The following SMG1 variants were observed in gnomAD, a reference collection of about 807,000 sequenced individuals.
SMG1 encodes the protein serine/threonine-protein kinase SMG1.
SMG1 carries 22 observed loss-of-function variants against 419.9 expected under a neutral mutation model. That is an observed-to-expected ratio of 0.05 (90% CI 0.04 to 0.07). The LOEUF (loss-of-function observed/expected upper bound fraction) is 0.07. SMG1 is among the 10% of genes least tolerant of loss of function. The probability of loss-of-function intolerance (pLI) is 1.00; values close to 1 mark genes in which losing one functional copy is unlikely to be tolerated. For synonymous variants in SMG1, 1,538 were observed against 1,553.5 expected, an observed-to-expected ratio of 0.99 and a Z score of 0.23; for missense variants, 3,185 against 4,342.0, an observed-to-expected ratio of 0.73 and a Z score of 7.49.
intron 9 of SMG1, among the ~76,000 whole-genome samples, chr16:18,882,572 TA>T (rs1421939710): frequency 6.6e-6 from 1 of 152,174 alleles, no homozygotes; most frequent in East Asian, 1.9e-4. Flanking sequence ...AATAATCTCT[TA>T]AATCAACTCA....
At chr16:18,908,810 G>A (rs1268887818) in intron 1 of SMG1, among the ~76,000 whole-genome samples, 4 of 151,380 alleles carry the variant, frequency 2.6e-5, no homozygotes, top group Non-Finnish European at 5.9e-5. Context: ...AGCGCGGGAG[G>A]TGGAGCATGC....
chr16:18,876,342 T>C lies in SMG1; in HGVS notation c.1672A>G (p.Ile558Val), dbSNP rs1385992147. ...TTATAGGCAGTCTCCAAAACAGGAA[T>C]ATTCTTCAAGCTGAGCACTGCTTGA... ...VYQAVLSLKN[I>V]PVLETAYKLI... The change falls in exon 13 of 63, where the codon ATT becomes GTT. Residue 558 changes from isoleucine to valine, a missense_variant. This residue lies in a region of SMG1 where 297 missense variants were observed against 491.0 expected (regional missense o/e 0.60). Transcript: ENST00000446231. The C allele has an allele frequency of 6.2e-7, 1 of 1,611,378 alleles. No homozygotes were observed. The highest frequency in any genetic ancestry group is 8.5e-7 in the Non-Finnish European group (1 of 1,179,528).
chr16:18,910,389 C>T (rs1596649043), intron 1 of SMG1, among the ~76,000 whole-genome samples: 1 of 152,050 alleles, frequency 6.6e-6, no homozygotes, highest in East Asian at 1.9e-4. Context: ...CACCACCATG[C>T]CCAGCTAATT....
At chr16:18,863,625 T>C (rs2035327684) in intron 25 of SMG1, 25 bp downstream of exon 25, 2 of 1,584,996 alleles carry the variant, frequency 1.3e-6, no homozygotes, top group Non-Finnish European at 1.7e-6. Context: ...AAATTTGTTT[T>C]ATAACTGGAA....
chr16:18,811,511 G>A (rs1232999186), intron 62 of SMG1, among the ~76,000 whole-genome samples: 1 of 152,178 alleles, frequency 6.6e-6, no homozygotes, highest in Non-Finnish European at 1.5e-5. Context: ...GTAGTCTGGT[G>A]GAGGAGGATC....
At position 18,806,793 on chromosome 16, in the gene SMG1, C is replaced by T. The variant is rs1457857792; in HGVS notation, c.*2776G>A. ...CAAGAGAGAGAAACAGGAGAGGATC[C>T]CTGGTTTTCCACAGGTATTTTATCA... is the stretch of plus-strand genomic sequence containing the variant. On this transcript the variant is annotated 3_prime_UTR_variant, in exon 63 of 63. Coordinates refer to ENST00000446231, the MANE Select transcript of SMG1 (RefSeq NM_015092.5). The T allele has an allele frequency of 6.6e-6, 1 of 152,050 alleles. No individual in the cohort carries two copies. Among genetic ancestry groups the T allele is most frequent in the Non-Finnish European group, 1.5e-5 (1 of 67,988 alleles). 9.4% of individuals were successfully genotyped at this position (152,050 alleles called of 1,614,324 possible). A position where few individuals can be genotyped will look rare whatever the true frequency, so the allele number is the denominator to read the frequency against.
intron 13 of SMG1, 143 bp from the exon 14 acceptor site, chr16:18,872,767 G>C: frequency 1.4e-6 from 1 of 718,126 alleles, no homozygotes; most frequent in Non-Finnish European, 2.2e-6. Context: ...CTAAACCTGG[G>C]ACAAACACTT....
At chr16:18,916,794 T>C (rs952709977) in intron 1 of SMG1, among the ~76,000 whole-genome samples, 22 of 151,928 alleles carry the variant, frequency 1.4e-4, no homozygotes, top group African/African-American at 5.3e-4. Context: ...ACCAAAATAA[T>C]GACAACATGA....
chr16:18,862,358 C>G (rs2035260885), intron 25 of SMG1, among the ~76,000 whole-genome samples: 1 of 152,206 alleles, frequency 6.6e-6, no homozygotes, highest in Non-Finnish European at 1.5e-5. Flanking sequence ...CACTATTCTT[C>G]AGAGGCTTCT....
chr16:18,919,257 G>A (rs577421419), intron 1 of SMG1, among the ~76,000 whole-genome samples: 20 of 151,882 alleles, frequency 1.3e-4, no homozygotes, highest in African/African-American at 4.8e-4. Flanking sequence ...AACCCAGGAG[G>A]CCGAGGTTGC....
chr16:18,874,977 A>G (rs2036042091), intron 13 of SMG1: 1 of 148,334 alleles, frequency 6.7e-6, no homozygotes, highest in African/African-American at 2.5e-5. Context: ...TGGGACCAGA[A>G]GTGTTTCAGA....
At chr16:18,843,707 C>A (rs951658506) in intron 39 of SMG1, among the ~76,000 whole-genome samples, 1 of 152,108 alleles carries the variant, frequency 6.6e-6, no homozygotes, top group Non-Finnish European at 1.5e-5. Flanking sequence ...GACGTACACA[C>A]AATATGATCT....
rs562382077 is a variant in SMG1 at position 18,806,307 on chromosome 16, G to A, written c.*3262C>T. 2 of 152,712 alleles carry A rather than the reference G, an allele frequency of 1.3e-5. No individual in the cohort carries two copies. Among genetic ancestry groups the A allele is most frequent in the Admixed American group, 6.5e-5 (1 of 15,294 alleles). 9.5% of individuals were successfully genotyped at this position (152,712 alleles called of 1,614,324 possible). ...GGCAAGGGTTAAGGGCAGAAGTGAT[G>A]GAAGTGTTTCTTTGTATTACAAACC... On this transcript the variant is annotated 3_prime_UTR_variant, in exon 63 of 63. Coordinates refer to ENST00000446231, the MANE Select transcript of SMG1 (RefSeq NM_015092.5).
intron 1 of SMG1, among the ~76,000 whole-genome samples, chr16:18,897,899 GAAAA>G (rs1268240019): frequency 4.4e-5 from 5 of 114,516 alleles, no homozygotes; most frequent in African/African-American, 1.6e-4. Context: ...ACAACTTTGA[GAAAA>G]AAAAAAAAAA....
chr16:18,818,759 A>C (rs1022354210), intron 56 of SMG1, among the ~76,000 whole-genome samples: 1 of 131,920 alleles, frequency 7.6e-6, no homozygotes, highest in African/African-American at 2.6e-5. Flanking sequence ...TGTCCGTAAT[A>C]GTTTTTTTGG....
chr16:18,902,623 C>T (rs1425301343), intron 1 of SMG1, among the ~76,000 whole-genome samples: 1 of 151,784 alleles, frequency 6.6e-6, no homozygotes, highest in Non-Finnish European at 1.5e-5. Flanking sequence ...CTGCCTGAAC[C>T]TGGGAGGGAG....
In SMG1 at chr16:18,870,905, G is replaced by T. The variant is rs2035783204; in HGVS notation, c.2303-17C>A. On this transcript the variant is annotated splice_polypyrimidine_tract_variant and intron_variant, in intron 16 of 62. Transcript: ENST00000446231. Reference sequence around the variant, plus strand: ...CAACGAGAGCTATTAAACATTAAAAGACAGTTACTTTCAGCTGGCCAAAAG... The same window carrying T: ...CAACGAGAGCTATTAAACATTAAAATACAGTTACTTTCAGCTGGCCAAAAG... 6 of 1,264,666 alleles carry T rather than the reference G, an allele frequency of 4.7e-6. No individual in the cohort carries two copies. The highest frequency in any genetic ancestry group is 5.6e-6 in the Non-Finnish European group (5 of 899,938). 78.3% of individuals were successfully genotyped at this position (1,264,666 alleles called of 1,614,324 possible).
Position 18,812,018 on chromosome 16 carries a change from G to A in SMG1, c.10731C>T (p.Thr3577=), listed in dbSNP as rs769144339. Residue 3577 remains threonine, a synonymous_variant, in exon 61 of 63, where the codon ACC becomes ACT. Transcript: ENST00000446231. ...LATSADTPPS[T]VPGTGKSVAC... Reference sequence around the variant, plus strand: ...CAACACTCTTGCCAGTTCCTGGAACGGTGCTTGGTGGAGTATCAGCTGATG... The same window carrying A: ...CAACACTCTTGCCAGTTCCTGGAACAGTGCTTGGTGGAGTATCAGCTGATG... 13 of 1,613,868 alleles carry A rather than the reference G, an allele frequency of 8.1e-6. No individual in the cohort carries two copies. The highest frequency in any genetic ancestry group is 6.7e-5 in the East Asian group (3 of 44,894).
intron 1 of SMG1, 129 bp from the exon 2 acceptor site, chr16:18,897,085 A>T (rs952001975): frequency 9.8e-6 from 6 of 609,744 alleles, no homozygotes; most frequent in African/African-American, 7.5e-5. Flanking sequence ...ACTATATATT[A>T]TATGTAAGCA....
Sources: allele counts gnomAD v4.1 joint callset (sites outside exome capture counted in the v4.1 genomes callset), GRCh38; gene constraint gnomAD v4.1.1; regional missense constraint gnomAD v4.1.1; transcripts MANE v1.5; gene names NCBI Gene and HGNC (gene_info 2026-07-23, HGNC 2026-07-21).